KLF12: variants seen among roughly 807,000 people sequenced by gnomAD.
KLF12 encodes KLF transcription factor 12.
Under a neutral mutation model 37.8 loss-of-function variants are expected in KLF12, and 9 were observed. That is an observed-to-expected ratio of 0.24 (90% CI 0.14 to 0.42). The LOEUF is 0.42. KLF12 is among the 10% of genes least tolerant of loss of function. KLF12 has a pLI of 1.00. For missense variants in KLF12, 411 were observed against 516.0 expected, an observed-to-expected ratio of 0.80 and a Z score of 1.97; for synonymous variants, 208 against 202.1, an observed-to-expected ratio of 1.03 and a Z score of -0.25.
intron 1 of KLF12, among the ~76,000 whole-genome samples, chr13:74,057,188 A>C (rs766046947): frequency 2.6e-5 from 4 of 152,322 alleles, no homozygotes; most frequent in Non-Finnish European, 5.9e-5. Flanking sequence ...TATCTTCATT[A>C]TCTTCATAAA....
chr13:73,811,219 C>G (rs1882926442), intron 5 of KLF12, among the ~76,000 whole-genome samples: 1 of 151,764 alleles, frequency 6.6e-6, no homozygotes, highest in Non-Finnish European at 1.5e-5. Flanking sequence ...CTCCTGACAT[C>G]ATGATCAGCC....
chr13:74,051,259 C>G (rs940712454), intron 1 of KLF12, among the ~76,000 whole-genome samples: 2 of 151,852 alleles, frequency 1.3e-5, no homozygotes, highest in African/African-American at 4.8e-5. Flanking sequence ...CAGCAGTAAT[C>G]ACAATATTTG....
At chr13:73,716,320 AAT>A (rs1875803703) in intron 6 of KLF12, among the ~76,000 whole-genome samples, 1 of 152,192 alleles carries the variant, frequency 6.6e-6, no homozygotes, top group African/African-American at 2.4e-5. Context: ...AGACAGAAAT[AAT>A]ATGACTCATC....
intron 3 of KLF12, among the ~76,000 whole-genome samples, chr13:73,910,978 C>T (rs936759194): frequency 3.3e-5 from 5 of 152,166 alleles, no homozygotes; most frequent in South Asian, 2.1e-4. Flanking sequence ...AAGTCCCCAC[C>T]AGCAAGAAAG....
At chr13:74,187,737 G>A in the KLF12 span, among the ~76,000 whole-genome samples, 1 of 152,148 alleles carries the variant, frequency 6.6e-6, no homozygotes, top group Non-Finnish European at 1.5e-5. Context: ...AAGGATACCA[G>A]GATGACTCAG....
chr13:74,054,045 G>C (rs1354818240), intron 1 of KLF12, among the ~76,000 whole-genome samples: 1 of 152,116 alleles, frequency 6.6e-6, no homozygotes, highest in Non-Finnish European at 1.5e-5. Flanking sequence ...AGAAACATTT[G>C]CATGTATTTC....
At chr13:73,860,761 G>A (rs941206445) in intron 3 of KLF12, among the ~76,000 whole-genome samples, 1 of 151,942 alleles carries the variant, frequency 6.6e-6, no homozygotes, top group African/African-American at 2.4e-5. Context: ...ATTACCCCGT[G>A]ACTAAAACTT....
chr13:74,251,310 A>T, the KLF12 span, among the ~76,000 whole-genome samples: 5 of 149,334 alleles, frequency 3.3e-5, no homozygotes, highest in Non-Finnish European at 4.5e-5. Context: ...CATCCTGCTA[A>T]TTTTTTTTTT....
chr13:74,221,006 G>GTTT, the KLF12 span, among the ~76,000 whole-genome samples: 1 of 137,742 alleles, frequency 7.3e-6, no homozygotes, highest in Non-Finnish European at 1.6e-5. Context: ...TTGCTTGTTT[G>GTTT]TTTTTTTTTT....
At chr13:74,159,726 A>T in the KLF12 span, among the ~76,000 whole-genome samples, 4 of 152,162 alleles carry the variant, frequency 2.6e-5, no homozygotes, top group Non-Finnish European at 5.9e-5. Flanking sequence ...TCTATCAAAA[A>T]GTTCTTTTTC....
the KLF12 span, among the ~76,000 whole-genome samples, chr13:74,187,356 C>T: frequency 6.6e-6 from 1 of 151,872 alleles, no homozygotes; most frequent in Non-Finnish European, 1.5e-5. Flanking sequence ...AAAACAATCG[C>T]AGGCTCAGTG....
At chr13:73,852,481 T>G (rs1381611350) in intron 3 of KLF12, among the ~76,000 whole-genome samples, 2 of 152,160 alleles carry the variant, frequency 1.3e-5, no homozygotes, top group Non-Finnish European at 2.9e-5. Context: ...AATTGTCAGT[T>G]TAAGAAATGA....
chr13:74,211,697 G>C, the KLF12 span, among the ~76,000 whole-genome samples: 1 of 152,186 alleles, frequency 6.6e-6, no homozygotes, highest in South Asian at 2.1e-4. Flanking sequence ...AGAGAACAAA[G>C]AGTAAGACCT....
At chr13:74,145,453 A>C in the KLF12 span, among the ~76,000 whole-genome samples, 1 of 152,172 alleles carries the variant, frequency 6.6e-6, no homozygotes, top group East Asian at 1.9e-4. Flanking sequence ...ATCCACATGC[A>C]TGAGTTCACT....
intron 6 of KLF12, among the ~76,000 whole-genome samples, chr13:73,753,302 G>T (rs1878915244): frequency 1.3e-5 from 2 of 152,048 alleles, no homozygotes; most frequent in African/African-American, 4.8e-5. Context: ...GCTGTTTCTA[G>T]CACCTGGAAT....
chr13:74,086,114 TTTATTA>T (rs778902469), intron 1 of KLF12, among the ~76,000 whole-genome samples: 5 of 151,076 alleles, frequency 3.3e-5, no homozygotes, highest in Admixed American at 6.6e-5. Context: ...ATCACTAATT[TTTATTA>T]TTATTATTAT....
the KLF12 span, among the ~76,000 whole-genome samples, chr13:74,300,114 A>G: frequency 6.6e-6 from 1 of 152,178 alleles, no homozygotes; most frequent in East Asian, 1.9e-4. Context: ...CTTTAAAAAA[A>G]TTCAGATAAT....
chr13:73,779,210 G>A (rs889702726), intron 5 of KLF12, among the ~76,000 whole-genome samples: 1 of 152,014 alleles, frequency 6.6e-6, no homozygotes, highest in Non-Finnish European at 1.5e-5. Context: ...ACCATGCCTT[G>A]GTTTATGTTA....
the KLF12 span, among the ~76,000 whole-genome samples, chr13:74,198,316 T>G: frequency 6.6e-6 from 1 of 152,048 alleles, no homozygotes; most frequent in Non-Finnish European, 1.5e-5. Flanking sequence ...AGAAAAAATA[T>G]AAAAGAGAAA....
Sources: gnomAD v4.1 joint callset for allele counts (sites outside exome capture counted in the v4.1 genomes callset) on GRCh38, gnomAD v4.1.1 for gene constraint, MANE v1.5 for transcripts, NCBI Gene and HGNC (gene_info 2026-07-23, HGNC 2026-07-21) for gene names.